The following ASF1B variants were observed in gnomAD, a reference collection of about 807,000 sequenced individuals.
ASF1B encodes histone chaperone ASF1B.
A neutral mutation model predicts 16.6 loss-of-function variants in ASF1B; 10 were observed. The observed-to-expected ratio is 0.60, with a 90% CI of 0.37 to 1.02. The LOEUF (loss-of-function observed/expected upper bound fraction) is 1.02. Among genes scored for constraint, ASF1B ranks in the 50% least tolerant of loss-of-function variants. The probability of loss-of-function intolerance (pLI) is 0.01; values close to 1 mark genes in which losing one functional copy is unlikely to be tolerated. For missense variants in ASF1B, 240 were observed against 266.0 expected (o/e 0.90, Z 0.68); for synonymous variants, 101 against 106.2 (o/e 0.95, Z 0.30).
At chr19:14,127,330 C>T (rs1233904432) in intron 1 of ASF1B, among the ~76,000 whole-genome samples, 1 of 152,188 alleles carries the variant, frequency 6.6e-6, no homozygotes, top group Non-Finnish European at 1.5e-5. Context: ...AGCCACGTGA[C>T]ACAGACGTGC....
intron 1 of ASF1B, among the ~76,000 whole-genome samples, chr19:14,131,072 T>G (rs2144518074): frequency 6.6e-6 from 1 of 151,460 alleles, no homozygotes; most frequent in East Asian, 1.9e-4. Context: ...GAGACAGGGT[T>G]TCACCACATT....
At chr19:14,130,303 C>T (rs968299991) in intron 1 of ASF1B, among the ~76,000 whole-genome samples, 35 of 151,808 alleles carry the variant, frequency 2.3e-4, no homozygotes, top group Middle Eastern at 3.2e-3. Context: ...CCTTGTGATC[C>T]GCCTGCCTTG....
chr19:14,133,416 C>T (rs1284430648), intron 1 of ASF1B, among the ~76,000 whole-genome samples: 1 of 152,126 alleles, frequency 6.6e-6, no homozygotes, highest in African/African-American at 2.4e-5. Flanking sequence ...GCCTGTAATC[C>T]CAGCACTTTG....
At chr19:14,132,619 A>G (rs925591913) in intron 1 of ASF1B, among the ~76,000 whole-genome samples, 3 of 152,152 alleles carry the variant, frequency 2.0e-5, no homozygotes, top group Non-Finnish European at 4.4e-5. Context: ...CAGGTTTGAG[A>G]CCAGCCTGGC....
intron 1 of ASF1B, among the ~76,000 whole-genome samples, chr19:14,129,194 C>T (rs1260670447): frequency 6.6e-6 from 1 of 151,956 alleles, no homozygotes; most frequent in Non-Finnish European, 1.5e-5. Context: ...TTCAGGGCTG[C>T]AGTGAGCCAT....
intron 2 of ASF1B, among the ~76,000 whole-genome samples, chr19:14,125,359 T>C (rs2144512066): frequency 6.6e-6 from 1 of 151,990 alleles, no homozygotes; most frequent in South Asian, 2.1e-4. Flanking sequence ...GTATTTCCCC[T>C]GGGGCAATGG....
chr19:14,132,934 C>A (rs1347849587), intron 1 of ASF1B, among the ~76,000 whole-genome samples: 2 of 151,682 alleles, frequency 1.3e-5, no homozygotes, highest in Admixed American at 1.3e-4. Flanking sequence ...TCCTGGGTAA[C>A]ACAGTGAAAC....
At chr19:14,133,049 G>A (rs1387002731) in intron 1 of ASF1B, among the ~76,000 whole-genome samples, 1 of 151,922 alleles carries the variant, frequency 6.6e-6, no homozygotes, top group African/African-American at 2.4e-5. Context: ...GAACCCGGGA[G>A]GCGGAGCTTG....
chr19:14,121,509 C>A (rs1219807506), intron 3 of ASF1B, 23 bp downstream of exon 3: 1 of 1,607,648 alleles, frequency 6.2e-7, no homozygotes, highest in African/African-American at 1.3e-5. Flanking sequence ...TTGTGGGAAG[C>A]AGGAAGTGGA....
chr19:14,129,897 C>T (rs1165255101), intron 1 of ASF1B, among the ~76,000 whole-genome samples: 3 of 149,226 alleles, frequency 2.0e-5, no homozygotes, highest in African/African-American at 7.4e-5. Flanking sequence ...ATTAGCCAGG[C>T]GTGGTGGCAT....
chr19:14,133,405 C>T (rs1263047482), intron 1 of ASF1B, among the ~76,000 whole-genome samples: 4 of 152,128 alleles, frequency 2.6e-5, no homozygotes, highest in Admixed American at 1.3e-4. Context: ...CAGTGGCTCA[C>T]GCCTGTAATC....
chr19:14,135,790 T>G (rs749865719), intron 1 of ASF1B, among the ~76,000 whole-genome samples: 1 of 149,932 alleles, frequency 6.7e-6, no homozygotes, highest in Non-Finnish European at 1.5e-5. Flanking sequence ...ATATTGGGGG[T>G]CTCCAGAGGG....
In ASF1B at chr19:14,136,558, C is replaced by T. The variant is rs1341995319; in HGVS notation, c.-102G>A. 1.2e-6 allele frequency: 1 copy of T among 865,864 alleles called. No individual in the cohort carries two copies. Among genetic ancestry groups the T allele is most frequent in the Admixed American group, 2.8e-5 (1 of 35,270 alleles). The allele number at this position is 865,864 out of a possible 1,614,324, so 53.6% of individuals were successfully genotyped here. On this transcript the variant is annotated 5_prime_UTR_variant, in exon 1 of 4. The change creates a new upstream start codon in the 5' untranslated region. Transcript: ENST00000263382. Reference sequence around the variant, plus strand: ...AGTGGGGTAGGGCTGACCAGGTCCACTCCCGCCTCTTCTCTCCGAGAACTG... The same window carrying T: ...AGTGGGGTAGGGCTGACCAGGTCCATTCCCGCCTCTTCTCTCCGAGAACTG...
Position 14,120,181 on chromosome 19 carries a change from G to A in ASF1B, c.*278C>T. On this transcript the variant is annotated 3_prime_UTR_variant, in exon 4 of 4. Coordinates refer to ENST00000263382, the MANE Select transcript of ASF1B (RefSeq NM_018154.3). ...CAATGGTACTCAAGGGTGCACAGTG[G>A]CACAGTGGCCTTAGTTAGAATTTAT... is the stretch of plus-strand genomic sequence containing the variant. 1 of 411,188 alleles carries A rather than the reference G, an allele frequency of 2.4e-6. No individual in the cohort carries two copies. The highest frequency in any genetic ancestry group is 4.4e-6 in the Non-Finnish European group (1 of 229,052). The allele number at this position is 411,188 out of a possible 1,614,324, so 25.5% of individuals were successfully genotyped here.
At chr19:14,128,453 C>T (rs1356849691) in intron 1 of ASF1B, among the ~76,000 whole-genome samples, 1 of 152,060 alleles carries the variant, frequency 6.6e-6, no homozygotes, top group Non-Finnish European at 1.5e-5. Context: ...TCGAACTAGC[C>T]TCTTACTATT....
In ASF1B at chr19:14,130,554, G is replaced by A. The variant is rs975477407; in HGVS notation, c.110-4317C>T. ...TGCAGTGTTATAAGTAGAGACATAC[G>A]TGTATGATTTCATCTCTAAATATAA... On this transcript the variant is annotated intron_variant, in intron 1 of 3. Coordinates refer to ENST00000263382, the MANE Select transcript of ASF1B (RefSeq NM_018154.3). Among the ~76,000 whole-genome samples the A allele has an allele frequency of 6.6e-5, 10 of 151,182 alleles. No individual in the cohort carries two copies. In the East Asian group the frequency reaches 1.9e-3, roughly 29 times the overall value.
At chr19:14,122,766 G>A (rs941233136) in intron 2 of ASF1B, among the ~76,000 whole-genome samples, 1 of 152,138 alleles carries the variant, frequency 6.6e-6, no homozygotes, top group South Asian at 2.1e-4. Flanking sequence ...GTGGTGAGCC[G>A]GGGGACAGTG....
chr19:14,126,382 G>A, intron 1 of ASF1B, 145 bp from the exon 2 acceptor site: 1 of 599,492 alleles, frequency 1.7e-6, no homozygotes, highest in Non-Finnish European at 2.9e-6. Flanking sequence ...TCAGCTCACT[G>A]CAACTTCCGC....
intron 1 of ASF1B, among the ~76,000 whole-genome samples, chr19:14,133,019 T>C (rs1314093451): frequency 6.7e-6 from 1 of 150,102 alleles, no homozygotes; most frequent in African/African-American, 2.5e-5. Flanking sequence ...ACTTGGGAGA[T>C]TGAGGCAGGA....
Sources: allele counts gnomAD v4.1 joint callset (sites outside exome capture counted in the v4.1 genomes callset), GRCh38; gene constraint gnomAD v4.1.1; transcripts MANE v1.5; gene names NCBI Gene and HGNC (gene_info 2026-07-23, HGNC 2026-07-21).